Variants in PDE4D observed in about 807,000 individuals in gnomAD.
PDE4D encodes the protein phosphodiesterase 4D.
Under a neutral mutation model 87.4 loss-of-function variants are expected in PDE4D, and 24 were observed. That is an observed-to-expected ratio of 0.27 (90% CI 0.20 to 0.39). PDE4D has a LOEUF of 0.39. Ranked by LOEUF, PDE4D falls within the 10% of genes least tolerant of loss-of-function variation. PDE4D has a pLI of 1.00. For synonymous variants in PDE4D, 384 were observed against 383.2 expected (o/e 1.00, Z -0.02); for missense variants, 714 against 1,041.0 (o/e 0.69, Z 4.32).
chr5:59,953,886 C>T (rs976090499), intron 3 of PDE4D, among the ~76,000 whole-genome samples: 11 of 152,278 alleles, frequency 7.2e-5, no homozygotes, highest in East Asian at 3.9e-4. Context: ...CCCCACTTAA[C>T]GCTCAATTCC....
intron 1 of PDE4D, among the ~76,000 whole-genome samples, chr5:59,364,225 G>T (rs796496069): frequency 1.3e-5 from 2 of 152,288 alleles, no homozygotes; most frequent in African/African-American, 4.8e-5. Context: ...AATTGGACTG[G>T]TTCTGGTTTT....
intron 1 of PDE4D, among the ~76,000 whole-genome samples, chr5:59,268,709 C>A (rs910451376): frequency 1.3e-5 from 2 of 151,934 alleles, no homozygotes; most frequent in African/African-American, 4.8e-5. Context: ...AGCTAATATC[C>A]CTCAGGCCCT....
At chr5:59,744,191 A>G (rs543935737) in intron 1 of PDE4D, among the ~76,000 whole-genome samples, 1 of 152,256 alleles carries the variant, frequency 6.6e-6, no homozygotes, top group South Asian at 2.1e-4. Context: ...GTTCTGATGC[A>G]TTAAGTGTAG....
intron 1 of PDE4D, among the ~76,000 whole-genome samples, chr5:60,420,959 C>A (rs896881448): frequency 2.6e-5 from 4 of 152,152 alleles, no homozygotes; most frequent in African/African-American, 7.2e-5. Flanking sequence ...GATTGACCTG[C>A]GAGGCAGCAG....
Position 58,978,564 on chromosome 5 carries a change from C to T in PDE4D, c.1553-1219G>A, listed in dbSNP as rs542984822. Among the ~76,000 whole-genome samples, 3 of 152,106 alleles carry T rather than the reference C, an allele frequency of 2.0e-5. No individual in the cohort carries two copies. The South Asian group carries it at 6.2e-4, about 32-fold the overall frequency. ...TAAGAAAGAAATACCCAATACTATT[C>T]AATGGCTATTTTAATGGAGCTAGGA... On this transcript the variant is annotated intron_variant, in intron 11 of 14. Coordinates refer to ENST00000340635, the MANE Select transcript of PDE4D (RefSeq NM_001104631.2).
intron 1 of PDE4D, among the ~76,000 whole-genome samples, chr5:59,878,672 T>C (rs1057494248): frequency 6.6e-6 from 1 of 152,104 alleles, no homozygotes; most frequent in African/African-American, 2.4e-5. Context: ...TTTTATCTAA[T>C]AGCATTAAGT....
chr5:59,046,305 C>A (rs901776642), intron 5 of PDE4D, among the ~76,000 whole-genome samples: 1 of 151,058 alleles, frequency 6.6e-6, no homozygotes, highest in Non-Finnish European at 1.5e-5. Context: ...CATGAGAGAG[C>A]GAGAGAATGT....
chr5:60,380,496 C>A (rs1425646767), intron 1 of PDE4D, among the ~76,000 whole-genome samples: 1 of 152,174 alleles, frequency 6.6e-6, no homozygotes, highest in Non-Finnish European at 1.5e-5. Flanking sequence ...ACGCTCTTTT[C>A]TTTTTGCCCC....
rs1035981448 is a variant in PDE4D, at chr5:59,395,252, T to C, written c.456-179284A>G. 3.9e-5 allele frequency among the ~76,000 whole-genome samples: 6 copies of C among 152,310 alleles called. No individual in the cohort carries two copies. The East Asian group carries it at 1.2e-3, about 30-fold the overall frequency. ...CCACAGCTCAAGGAGGCCTGCGTGC[T>C]TCTGTAGGCTCCAACTCTGGGGGCA... On this transcript the variant is annotated intron_variant, in intron 1 of 14. Transcript: ENST00000340635.
intron 1 of PDE4D, among the ~76,000 whole-genome samples, chr5:60,458,386 C>CAAAAAAAAAAAAAAAAAA (rs61006284): frequency 1.1e-4 from 8 of 75,176 alleles, no homozygotes; most frequent in Middle Eastern, 8.6e-3. Flanking sequence ...GACTTCATTG[C>CAAAAAAAAAAAAAAAAAA]AAAAAAAAAA....
chr5:59,275,655 G>C, intron 1 of PDE4D: 1 of 1,195,256 alleles, frequency 8.4e-7, no homozygotes, highest in East Asian at 3.9e-5. Flanking sequence ...AGTTTCTTCT[G>C]TGTCTTGCAA....
intron 5 of PDE4D, among the ~76,000 whole-genome samples, chr5:59,115,491 TAGA>T (rs10600503): frequency 0.011 from 1,649 of 152,308 alleles, 27 homozygotes; most frequent in African/African-American, 0.038. Flanking sequence ...CATCCAATTA[TAGA>T]AGGTTTAGAA....
chr5:60,316,602 C>T (rs1473951716), intron 1 of PDE4D, among the ~76,000 whole-genome samples: 1 of 152,136 alleles, frequency 6.6e-6, no homozygotes, highest in African/African-American at 2.4e-5. Flanking sequence ...TTTGCCCATT[C>T]AGTATGATAT....
intron 1 of PDE4D, among the ~76,000 whole-genome samples, chr5:59,448,826 G>A (rs541289751): frequency 3.5e-4 from 53 of 152,088 alleles, no homozygotes; most frequent in South Asian, 6.2e-4. Flanking sequence ...GTAGAGATGG[G>A]GTCTTGCTAA....
rs368370982 is a variant in PDE4D, at chr5:59,724,943, C to CT, written c.455+168224dup. On this transcript the variant is annotated intron_variant, in intron 1 of 14. Coordinates refer to ENST00000340635, the MANE Select transcript of PDE4D (RefSeq NM_001104631.2). The stretch of plus-strand genomic sequence containing the variant: ...CATACTTTCATTGAACCTGGCTCTG[C>CT]TTTTCATTTATTTTGTCACACAGGG... Among the ~76,000 whole-genome samples the CT allele has an allele frequency of 8.5e-4, 130 of 152,168 alleles. 1 individual carries two copies. Among genetic ancestry groups the CT allele is most frequent in the African/African-American group, 3.1e-3 (127 of 41,536 alleles).
At chr5:59,297,272 ATG>A (rs1233642100) in intron 1 of PDE4D, among the ~76,000 whole-genome samples, 1 of 152,208 alleles carries the variant, frequency 6.6e-6, no homozygotes, top group Non-Finnish European at 1.5e-5. Flanking sequence ...AAGTGAGAAA[ATG>A]TGTCCTTCCA....
chr5:59,954,138 G>A (rs965203091), intron 3 of PDE4D, among the ~76,000 whole-genome samples: 6 of 152,220 alleles, frequency 3.9e-5, no homozygotes, highest in Admixed American at 3.9e-4. Context: ...TGGCCAGGCT[G>A]GTCTTGAACT....
intron 1 of PDE4D, among the ~76,000 whole-genome samples, chr5:59,409,893 TGAA>T (rs1387468476): frequency 2.0e-5 from 3 of 152,340 alleles, no homozygotes; most frequent in Admixed American, 2.0e-4. Context: ...TCCATTTTTC[TGAA>T]GAAGAATTCT....
intron 1 of PDE4D, among the ~76,000 whole-genome samples, chr5:59,771,792 T>C (rs1029391191): frequency 2.0e-5 from 3 of 152,216 alleles, no homozygotes; most frequent in African/African-American, 7.2e-5. Flanking sequence ...CATTGATCAT[T>C]ATGGTTAAAC....
Sources: gnomAD v4.1 joint callset for allele counts (sites outside exome capture counted in the v4.1 genomes callset) on GRCh38, gnomAD v4.1.1 for gene constraint, MANE v1.5 for transcripts, NCBI Gene and HGNC (gene_info 2026-07-23, HGNC 2026-07-21) for gene names.